Variants in DNAAF9 observed in about 807,000 individuals in gnomAD.
DNAAF9 encodes the protein shulin.
Under a neutral mutation model 167.0 loss-of-function variants are expected in DNAAF9, and 90 were observed. The ratio of observed to expected loss-of-function variants is 0.54; its 90% CI spans 0.45 to 0.64. DNAAF9 has a LOEUF of 0.64. Among genes scored for constraint, DNAAF9 ranks in the 30% least tolerant of loss-of-function variants. The pLI is 0.00. For synonymous variants in DNAAF9, 491 were observed against 508.8 expected (o/e 0.96, Z 0.47); for missense variants, 1,315 against 1,442.2 (o/e 0.91, Z 1.43).
intron 22 of DNAAF9, 47 bp downstream of exon 22, chr20:3,297,982 G>C (rs1334594826): frequency 6.7e-7 from 1 of 1,488,590 alleles, no homozygotes. Flanking sequence ...AATTGCTAGG[G>C]GGAAAAAAAA....
chr20:3,351,834 T>C (rs1239000922), intron 7 of DNAAF9, among the ~76,000 whole-genome samples: 1 of 146,120 alleles, frequency 6.8e-6, no homozygotes, highest in African/African-American at 2.6e-5. Context: ...GTTTGTGTTA[T>C]TTTATTTATT....
chr20:3,281,442 A>G (rs2068762470), intron 28 of DNAAF9, among the ~76,000 whole-genome samples, 199 bp downstream of exon 28: 1 of 152,236 alleles, frequency 6.6e-6, no homozygotes, highest in African/African-American at 2.4e-5. Flanking sequence ...TCTCCCTCAC[A>G]AAAGCTAAGC....
intron 6 of DNAAF9, among the ~76,000 whole-genome samples, chr20:3,363,521 AAAGCAAACTCTTTTTTTTTTTTT>A (rs1208175167): frequency 6.7e-6 from 1 of 149,392 alleles, no homozygotes; most frequent in Non-Finnish European, 1.5e-5. Flanking sequence ...AGATTAATGC[AAAGCAAACTCTTTTTTTTTTTTT>A]TTTTAGTTTT....
intron 11 of DNAAF9, among the ~76,000 whole-genome samples, chr20:3,331,988 T>C (rs2069838533): frequency 6.6e-6 from 1 of 152,236 alleles, no homozygotes; most frequent in African/African-American, 2.4e-5. Context: ...CCTCCTGCTT[T>C]CTTAAACTAG....
intron 6 of DNAAF9, among the ~76,000 whole-genome samples, chr20:3,364,126 A>G (rs1380613143): frequency 6.6e-6 from 1 of 152,068 alleles, no homozygotes; most frequent in Non-Finnish European, 1.5e-5. Context: ...TGTATCTTCT[A>G]TGGCTCAGTC....
At chr20:3,279,272 G>A (rs1331928662) in intron 28 of DNAAF9, among the ~76,000 whole-genome samples, 5 of 152,190 alleles carry the variant, frequency 3.3e-5, no homozygotes, top group Non-Finnish European at 4.4e-5. Context: ...ATGTTTTTGA[G>A]TAAAGTGGAT....
At chr20:3,407,181 G>A (rs2084071879) in intron 1 of DNAAF9, among the ~76,000 whole-genome samples, 1 of 152,222 alleles carries the variant, frequency 6.6e-6, no homozygotes, top group South Asian at 2.1e-4. Flanking sequence ...CGTCATAACA[G>A]TGTCTTCACA....
intron 20 of DNAAF9, among the ~76,000 whole-genome samples, chr20:3,305,622 G>A (rs2069276646): frequency 6.6e-6 from 1 of 152,220 alleles, no homozygotes. Flanking sequence ...TGAGGAATCT[G>A]GAGACTGCAA....
chr20:3,268,149 C>T (rs576079750), intron 30 of DNAAF9, among the ~76,000 whole-genome samples: 4 of 151,806 alleles, frequency 2.6e-5, no homozygotes, highest in Non-Finnish European at 5.9e-5. Context: ...CTGCCTCAGC[C>T]TCCTGAGTAG....
intron 2 of DNAAF9, 143 bp downstream of exon 2, chr20:3,382,284 A>C (rs1004312097): frequency 4.5e-6 from 3 of 664,502 alleles, no homozygotes; most frequent in East Asian, 2.8e-5. Flanking sequence ...TCATTAAAAC[A>C]GCAACAAATT....
chr20:3,407,653 G>T lies in DNAAF9; in HGVS notation c.-96C>A, dbSNP rs1184672820. The stretch of plus-strand genomic sequence containing the variant: ...CACGCTAGCTGCGGCCGGGCGGGGC[G>T]GCAGGGCGTGCCGGGTGGGAGGGGG... On this transcript the variant is annotated 5_prime_UTR_variant, in exon 1 of 37. Coordinates refer to ENST00000252032, the MANE Select transcript of DNAAF9 (RefSeq NM_001009984.3). 3.6e-5 allele frequency: 40 copies of T among 1,122,390 alleles called. No individual in the cohort carries two copies. Among genetic ancestry groups the T allele is most frequent in the South Asian group, 4.3e-5 (1 of 23,298 alleles). The allele number at this position is 1,122,390 out of a possible 1,614,324, so 69.5% of individuals were successfully genotyped here. A position where few individuals can be genotyped will look rare whatever the true frequency, so the allele number is the denominator to read the frequency against.
chr20:3,317,817 A>G (rs2069531695), intron 17 of DNAAF9, among the ~76,000 whole-genome samples: 1 of 152,052 alleles, frequency 6.6e-6, no homozygotes, highest in Non-Finnish European at 1.5e-5. Flanking sequence ...GGCTGGTCTC[A>G]AACTCCTGAC....
At chr20:3,259,227 A>G (rs752599228) in intron 33 of DNAAF9, among the ~76,000 whole-genome samples, 14 of 152,248 alleles carry the variant, frequency 9.2e-5, no homozygotes, top group Non-Finnish European at 1.8e-4. Flanking sequence ...AGCTGTGAGA[A>G]GAGCCCCTGA....
At chr20:3,362,586 C>T (rs1280636467) in intron 6 of DNAAF9, among the ~76,000 whole-genome samples, 1 of 151,880 alleles carries the variant, frequency 6.6e-6, no homozygotes, top group Non-Finnish European at 1.5e-5. Flanking sequence ...TCATTTTGGG[C>T]TTGACATTTC....
At position 3,251,776 on chromosome 20, in the gene DNAAF9, G is replaced by A. The variant is rs911135213; in HGVS notation, c.*796C>T. 6.6e-6 allele frequency: 1 copy of A among 152,356 alleles called. No individual in the cohort carries two copies. Among genetic ancestry groups the A allele is most frequent in the Non-Finnish European group, 1.5e-5 (1 of 68,130 alleles). The allele number at this position is 152,356 out of a possible 1,614,324, so 9.4% of individuals were successfully genotyped here. ...GCAGGACGCCCCCTTCCACAGTGAG[G>A]TGAAGCCTCGCCAGGGGGCCTGAGC... On this transcript the variant is annotated 3_prime_UTR_variant, in exon 37 of 37. Transcript: ENST00000252032.
chr20:3,402,511 A>G (rs1469718757), intron 1 of DNAAF9, among the ~76,000 whole-genome samples: 1 of 152,158 alleles, frequency 6.6e-6, no homozygotes, highest in Non-Finnish European at 1.5e-5. Flanking sequence ...ATATCCTTCA[A>G]TCAACATCTC....
chr20:3,282,616 T>C (rs560734655), intron 27 of DNAAF9, among the ~76,000 whole-genome samples: 12 of 152,300 alleles, frequency 7.9e-5, no homozygotes, highest in African/African-American at 2.9e-4. Context: ...GCCCTTACAA[T>C]GTCCCAGGCA....
At chr20:3,286,872 A>G (rs918307436) in intron 27 of DNAAF9, among the ~76,000 whole-genome samples, 1 of 152,190 alleles carries the variant, frequency 6.6e-6, no homozygotes, top group African/African-American at 2.4e-5. Flanking sequence ...CTTCTTTATT[A>G]CCACCAACCA....
At chr20:3,283,095 C>A (rs2068789941) in intron 27 of DNAAF9, among the ~76,000 whole-genome samples, 1 of 152,214 alleles carries the variant, frequency 6.6e-6, no homozygotes, top group African/African-American at 2.4e-5. Flanking sequence ...AGGCCCCTGG[C>A]CACTTCAAGA....
Sources: gnomAD v4.1 joint callset for allele counts (sites outside exome capture counted in the v4.1 genomes callset) on GRCh38, gnomAD v4.1.1 for gene constraint, MANE v1.5 for transcripts, NCBI Gene and HGNC (gene_info 2026-07-23, HGNC 2026-07-21) for gene names.